The following TYRO3 variants were observed in gnomAD, a reference collection of about 807,000 sequenced individuals.
TYRO3 encodes the protein tyrosine-protein kinase receptor TYRO3.
In TYRO3, 38 loss-of-function variants were observed where a neutral mutation model predicts 95.2. That is an observed-to-expected ratio of 0.40 (90% CI 0.31 to 0.52). The LOEUF is 0.52. TYRO3 is among the 20% of genes least tolerant of loss of function. TYRO3 has a pLI of 0.56. For synonymous variants in TYRO3, 367 were observed against 432.9 expected, an observed-to-expected ratio of 0.85 and a Z score of 1.89; for missense variants, 812 against 1,116.4, an observed-to-expected ratio of 0.73 and a Z score of 3.89.
Position 41,582,508 on chromosome 15 carries a change from G to A in TYRO3, c.*4232G>A, listed in dbSNP as rs2055932153. On this transcript the variant is annotated 3_prime_UTR_variant, in exon 19 of 19. Coordinates refer to ENST00000263798, the MANE Select transcript of TYRO3 (RefSeq NM_006293.4). The stretch of plus-strand genomic sequence containing the variant: ...CATTCCAGCTTGGGTGAGAGAGTGA[G>A]ACTCCATCTCGGAAAAAAAAAAAAT... The A allele has an allele frequency of 6.6e-6, 1 of 151,328 alleles. No individual in the cohort carries two copies. Among genetic ancestry groups the A allele is most frequent in the South Asian group, 2.1e-4 (1 of 4,786 alleles). 9.4% of individuals were successfully genotyped at this position (151,328 alleles called of 1,614,324 possible). A position where few individuals can be genotyped will look rare whatever the true frequency, so the allele number is the denominator to read the frequency against.
intron 13 of TYRO3, 26 bp from the exon 14 acceptor site, chr15:41,571,569 C>T (rs2140830811): frequency 3.5e-6 from 5 of 1,423,006 alleles, no homozygotes; most frequent in Non-Finnish European, 5.0e-6. Flanking sequence ...TGTTTTATTT[C>T]CTCCTTCCCC....
At chr15:41,572,004 A>C (rs917755297) in intron 14 of TYRO3, among the ~76,000 whole-genome samples, 17 of 151,638 alleles carry the variant, frequency 1.1e-4, no homozygotes, top group East Asian at 7.7e-4. Flanking sequence ...TTTAAAAAAA[A>C]AAAACAAAAC....
In TYRO3 at chr15:41,564,343, T is replaced by C. The variant is rs2289742; in HGVS notation, c.667+73T>C. Reference sequence around the variant, plus strand: ...CCAGCGAGCTGTCCAGCAGTTAGAATCATTCTGTGTTCCAGCTCCCCTTGT... The same window carrying C: ...CCAGCGAGCTGTCCAGCAGTTAGAACCATTCTGTGTTCCAGCTCCCCTTGT... On this transcript the variant is annotated intron_variant, in intron 5 of 18. Coordinates refer to ENST00000263798, the MANE Select transcript of TYRO3 (RefSeq NM_006293.4). 7.7e-4 allele frequency: 1,127 copies of C among 1,467,488 alleles called. 13 individuals carry two copies. The East Asian group carries it at 0.017, about 22-fold the overall frequency. 90.9% of individuals were successfully genotyped at this position (1,467,488 alleles called of 1,614,324 possible).
In TYRO3 at chr15:41,582,867, T is replaced by C. The variant is rs563642183; in HGVS notation, c.*4591T>C. The C allele has an allele frequency of 8.5e-5, 13 of 152,066 alleles. No individual in the cohort carries two copies. In the East Asian group the frequency reaches 2.5e-3, roughly 29 times the overall value. 9.4% of individuals were successfully genotyped at this position (152,066 alleles called of 1,614,324 possible). ...GCACATTTCTTTTTTTTTTCTTTTT[T>C]TTGATACAGGGTCTTGCTCTGTTTC... On this transcript the variant is annotated 3_prime_UTR_variant, in exon 19 of 19. Coordinates refer to ENST00000263798, the MANE Select transcript of TYRO3 (RefSeq NM_006293.4).
At chr15:41,574,910 GGCTCC>G (rs2055842471) in intron 18 of TYRO3, among the ~76,000 whole-genome samples, 1 of 152,158 alleles carries the variant, frequency 6.6e-6, no homozygotes, top group South Asian at 2.1e-4. Context: ...GTAGAGACAG[GGCTCC>G]GCCATATTTG....
In TYRO3 at chr15:41,567,358, A is replaced by G; in HGVS notation, c.784-2A>G. On this transcript the variant is annotated splice_acceptor_variant, in intron 6 of 18. Coordinates refer to ENST00000263798, the MANE Select transcript of TYRO3 (RefSeq NM_006293.4). LOFTEE classifies it high-confidence loss of function. ...CATCATTAGTTTTCTGCTTTTCTGT[A>G]GGTGACACAGGCCCCAGGAGGCTGG... 1 of 1,537,994 alleles carries G rather than the reference A, an allele frequency of 6.5e-7. No homozygotes were observed. The highest frequency in any genetic ancestry group is 2.4e-5 in the East Asian group (1 of 41,764).
In TYRO3 at chr15:41,565,149, C is replaced by T. The variant is rs775886817; in HGVS notation, c.783+8C>T. On this transcript the variant is annotated splice_region_variant and intron_variant, in intron 6 of 18. Transcript: ENST00000263798. ...CAGTCCTGTACAGTTCAGGTAGGCT[C>T]TCCGGGCCGGGCCATGCTCGTTCTG... The T allele has an allele frequency of 1.6e-5, 21 of 1,347,084 alleles. No homozygotes were observed. Among genetic ancestry groups the T allele is most frequent in the Non-Finnish European group, 2.2e-5 (21 of 941,692 alleles). The allele number at this position is 1,347,084 out of a possible 1,614,324, so 83.4% of individuals were successfully genotyped here. A position where few individuals can be genotyped will look rare whatever the true frequency, so the allele number is the denominator to read the frequency against.
At chr15:41,577,832 C>T (rs1242932298) in intron 18 of TYRO3, 54 bp from the exon 19 acceptor site, 2 of 1,557,354 alleles carry the variant, frequency 1.3e-6, no homozygotes, top group Non-Finnish European at 1.7e-6. Context: ...ATGAAGGGGC[C>T]CCTGCTTTTG....
At chr15:41,577,115 G>C (rs970300397) in intron 18 of TYRO3, among the ~76,000 whole-genome samples, 3 of 152,016 alleles carry the variant, frequency 2.0e-5, no homozygotes, top group African/African-American at 7.2e-5. Flanking sequence ...TTCCACATTT[G>C]TAAATGTGGA....
chr15:41,560,275 G>C (rs975555832), intron 1 of TYRO3, among the ~76,000 whole-genome samples: 2 of 152,130 alleles, frequency 1.3e-5, no homozygotes, highest in Non-Finnish European at 2.9e-5. Flanking sequence ...CCACGACTTT[G>C]CCTAGAGTCA....
chr15:41,561,242 G>A lies in TYRO3; in HGVS notation c.240G>A (p.Gly80=), dbSNP rs1595498468. 1.9e-6 allele frequency: 3 copies of A among 1,614,242 alleles called. No individual in the cohort carries two copies. Among genetic ancestry groups the A allele is most frequent in the Non-Finnish European group, 2.5e-6 (3 of 1,180,040 alleles). The part of the protein sequence containing the change: ...EEPDIQWVKD[G]AVVQNLDQLY... ...CTGACATCCAGTGGGTGAAGGATGGGGCTGTGGTCCAGAACTTGGACCAGT... is the reference window on the plus strand; with the variant it reads ...CTGACATCCAGTGGGTGAAGGATGGAGCTGTGGTCCAGAACTTGGACCAGT... Residue 80 remains glycine (G), a synonymous_variant, in exon 2 of 19, where the codon GGG becomes GGA. Transcript: ENST00000263798.
intron 14 of TYRO3, 92 bp downstream of exon 14, chr15:41,571,779 A>G (rs1367181103): frequency 3.5e-6 from 2 of 575,142 alleles, no homozygotes; most frequent in African/African-American, 1.9e-5. Flanking sequence ...AGACTTTTGG[A>G]CTCATCTGGT....
rs1595499751 is a variant in TYRO3 at position 41,563,532 on chromosome 15, G to A, written c.581-652G>A. On this transcript the variant is annotated intron_variant, in intron 4 of 18. Transcript: ENST00000263798. ...CAAGTGCAGGTCCTGTTCAGGAGGC[G>A]CTGAGTTGGAGCAGATTAGAGAGGA... is the stretch of plus-strand genomic sequence containing the variant. Among the ~76,000 whole-genome samples the A allele has an allele frequency of 1.3e-5, 2 of 152,104 alleles. 1 individual carries two copies. Among genetic ancestry groups the A allele is most frequent in the South Asian group, 4.1e-4 (2 of 4,820 alleles).
At position 41,573,784 on chromosome 15, in the gene TYRO3, C is replaced by T. The variant is rs368178200; in HGVS notation, c.2251C>T (p.Leu751=). 6.8e-6 allele frequency: 11 copies of T among 1,614,158 alleles called. No individual in the cohort carries two copies. Among genetic ancestry groups the T allele is most frequent in the Non-Finnish European group, 9.3e-6 (11 of 1,180,056 alleles). ...CAACTACCTCATTGGCGGGAACCGCCTGAAACAGCCTCCGGAGTGTATGGA... is the reference window on the plus strand; with the variant it reads ...CAACTACCTCATTGGCGGGAACCGCTTGAAACAGCCTCCGGAGTGTATGGA... The part of the protein sequence containing the change: ...IYNYLIGGNR[L]KQPPECMEDV... Residue 751 remains leucine (L), a synonymous_variant, in exon 18 of 19, where the codon CTG becomes TTG. Transcript: ENST00000263798.
chr15:41,570,253 A>C lies in TYRO3; in HGVS notation c.1396A>C (p.Ser466Arg). Residue 466 changes from serine to arginine, a missense_variant, in exon 11 of 19, where the codon AGT (serine) becomes CGT (arginine). By Grantham distance (110) the Ser-to-Arg change is moderately radical (BLOSUM62 -1). Coordinates refer to ENST00000263798, the MANE Select transcript of TYRO3 (RefSeq NM_006293.4). ...KETRFGQAFD[S>R]VMARGEPAVH... ...GTTTTCCTTTAGGCAAGCCTTTGACAGTGTCATGGCCCGGGGAGAGCCAGC... is the reference window on the plus strand; with the variant it reads ...GTTTTCCTTTAGGCAAGCCTTTGACCGTGTCATGGCCCGGGGAGAGCCAGC... 1 of 1,613,672 alleles carries C rather than the reference A, an allele frequency of 6.2e-7. No individual in the cohort carries two copies. Among genetic ancestry groups the C allele is most frequent in the Middle Eastern group, 1.7e-4 (1 of 6,058 alleles).
chr15:41,569,954 G>A (rs2055773054), intron 9 of TYRO3, 73 bp from the exon 10 acceptor site: 11 of 1,548,996 alleles, frequency 7.1e-6, no homozygotes, highest in Admixed American at 1.9e-5. Context: ...CAGCTGGATG[G>A]CCATCCTGGG....
chr15:41,566,516 G>T (rs1252300128), intron 6 of TYRO3, among the ~76,000 whole-genome samples: 1 of 152,080 alleles, frequency 6.6e-6, no homozygotes, highest in Non-Finnish European at 1.5e-5. Context: ...CTGCTTCTGG[G>T]GTCTGTGTGG....
In TYRO3 at chr15:41,562,121, A is replaced by T. The variant is rs1475003421; in HGVS notation, c.410-427A>T. 1.7e-5 allele frequency: 3 copies of T among 177,252 alleles called. No individual in the cohort carries two copies. In the East Asian group the frequency reaches 5.3e-4, roughly 31 times the overall value. The allele number at this position is 177,252 out of a possible 1,614,324, so 11.0% of individuals were successfully genotyped here. A position where few individuals can be genotyped will look rare whatever the true frequency, so the allele number is the denominator to read the frequency against. ...TTTTATGCCCCTCTCCCAGCTCTCC[A>T]CCCCCAGTCTCCTCTCTTACTGCAA... On this transcript the variant is annotated intron_variant, in intron 3 of 18. Transcript: ENST00000263798.
rs746536079 is a variant in TYRO3, at chr15:41,572,433, C to T, written c.1754-10C>T. The T allele has an allele frequency of 2.8e-6, 3 of 1,069,312 alleles. No homozygotes were observed. The highest frequency in any genetic ancestry group is 1.5e-5 in the African/African-American group (1 of 66,168). The allele number at this position is 1,069,312 out of a possible 1,614,324, so 66.2% of individuals were successfully genotyped here. On this transcript the variant is annotated splice_polypyrimidine_tract_variant and intron_variant, in intron 14 of 18. Transcript: ENST00000263798. ...TTCTATGCTCAGCTCCTGACTCTCC[C>T]TTGTCCCAGGGGTAAGCCTCCGGAG...
Sources: allele counts gnomAD v4.1 joint callset (sites outside exome capture counted in the v4.1 genomes callset), GRCh38; gene constraint gnomAD v4.1.1; transcripts MANE v1.5; gene names NCBI Gene and HGNC (gene_info 2026-07-23, HGNC 2026-07-21).